The following SLC6A13 variants were observed in gnomAD, a reference collection of about 807,000 sequenced individuals.
SLC6A13 encodes sodium- and chloride-dependent GABA transporter 2.
In SLC6A13, 69 loss-of-function variants were observed where a neutral mutation model predicts 72.9. The observed-to-expected ratio is 0.95, with a 90% CI of 0.78 to 1.16. The LOEUF is 1.16. Among genes scored for constraint, SLC6A13 ranks in the 50% most tolerant of loss-of-function variants. The pLI is 0.00. For missense variants in SLC6A13, 735 were observed against 760.5 expected, an observed-to-expected ratio of 0.97 and a Z score of 0.39; for synonymous variants, 303 against 303.0, an observed-to-expected ratio of 1.00 and a Z score of 0.00.
intron 2 of SLC6A13, among the ~76,000 whole-genome samples, chr12:246,781 G>A (rs534288353): frequency 6.6e-6 from 1 of 152,274 alleles, no homozygotes; most frequent in Admixed American, 6.5e-5. Context: ...GCCGAGGCAG[G>A]TGGATCACCT....
intron 2 of SLC6A13, chr12:259,417 G>T (rs1165474447): frequency 9.3e-7 from 1 of 1,077,120 alleles, no homozygotes; most frequent in Non-Finnish European, 1.1e-6. Flanking sequence ...GGTTATCAAC[G>T]TCATCATCAG....
Position 254,208 on chromosome 12 carries a change from G to A in SLC6A13, c.202+5643C>T, listed in dbSNP as rs563914501. On this transcript the variant is annotated intron_variant, in intron 2 of 14. Transcript: ENST00000343164. The surrounding 1 kb of genome is among the most constrained non-coding windows in gnomAD (Gnocchi z 4.4). ...TCTTCAGCCGCCTCGCCAGCTCAGG[G>A]CCCCACCCCCGAGGAGTCTGGCCAC... 5.9e-5 allele frequency among the ~76,000 whole-genome samples: 9 copies of A among 152,286 alleles called. No homozygotes were observed. In the South Asian group the frequency reaches 1.9e-3, roughly 32 times the overall value.
chr12:245,341 GC>G (rs1258602027), intron 2 of SLC6A13, among the ~76,000 whole-genome samples: 1 of 152,138 alleles, frequency 6.6e-6, no homozygotes, highest in Non-Finnish European at 1.5e-5. Flanking sequence ...TATAAAAAGA[GC>G]AAGTAACTTC....
At chr12:232,013 G>C (rs1398981504) in intron 7 of SLC6A13, among the ~76,000 whole-genome samples, 1 of 152,228 alleles carries the variant, frequency 6.6e-6, no homozygotes, top group African/African-American at 2.4e-5. Context: ...CATGCATTAA[G>C]CTCTCTAGGC....
rs367619076 is a variant in SLC6A13 at position 244,914 on chromosome 12, A to G, written c.203-1101T>C. Among the ~76,000 whole-genome samples the G allele has an allele frequency of 7.9e-5, 12 of 152,328 alleles. No homozygotes were observed. The East Asian group carries it at 2.1e-3, about 27-fold the overall frequency. ...GCAACACAAAATGAACTAAGCTAGT[A>G]ATCTGTCTCCTTCTGTTTTTATAAG... On this transcript the variant is annotated intron_variant, in intron 2 of 14. Transcript: ENST00000343164.
chr12:224,697 A>G (rs1941366270), intron 9 of SLC6A13, among the ~76,000 whole-genome samples, 184 bp from the exon 10 acceptor site: 1 of 152,112 alleles, frequency 6.6e-6, no homozygotes, highest in Non-Finnish European at 1.5e-5. Flanking sequence ...TGGTTCTTGC[A>G]TTTCCAAGGT....
chr12:246,141 A>AAATAAAG (rs1942341495), intron 2 of SLC6A13, among the ~76,000 whole-genome samples: 2 of 96,564 alleles, frequency 2.1e-5, no homozygotes, highest in African/African-American at 7.1e-5. Context: ...AAAAATAAAT[A>AAATAAAG]AATAAATAAA....
chr12:230,709 T>G (rs1230941798), intron 7 of SLC6A13, among the ~76,000 whole-genome samples: 1 of 152,192 alleles, frequency 6.6e-6, no homozygotes, highest in Non-Finnish European at 1.5e-5. Flanking sequence ...CTCCCCCACA[T>G]GCTGGTTTTG....
chr12:241,705 T>C (rs1942174028), intron 4 of SLC6A13, among the ~76,000 whole-genome samples: 1 of 152,266 alleles, frequency 6.6e-6, no homozygotes, highest in Non-Finnish European at 1.5e-5. Flanking sequence ...AACATTTTCA[T>C]CATTACAGAC....
chr12:240,106 C>A (rs1231419059), intron 4 of SLC6A13, among the ~76,000 whole-genome samples: 1 of 152,036 alleles, frequency 6.6e-6, no homozygotes, highest in Non-Finnish European at 1.5e-5. Context: ...TCTTTACTGT[C>A]TGACAGGCTG....
chr12:246,443 G>C (rs1207868922), intron 2 of SLC6A13, among the ~76,000 whole-genome samples: 1 of 152,220 alleles, frequency 6.6e-6, no homozygotes, highest in Middle Eastern at 3.2e-3. Flanking sequence ...ATAGCAAGGA[G>C]ATTGAACCTG....
At position 237,427 on chromosome 12, in the gene SLC6A13, C is replaced by G. The variant is rs1941975506; in HGVS notation, c.564-137G>C. The stretch of plus-strand genomic sequence containing the variant: ...CTCTGCTCTCTTCACATGAGGCCAT[C>G]CTTAGCCCAGAGCTGGAGGTGGACA... On this transcript the variant is annotated intron_variant, in intron 5 of 14. Coordinates refer to ENST00000343164, the MANE Select transcript of SLC6A13 (RefSeq NM_016615.5). 5.4e-6 allele frequency: 5 copies of G among 919,622 alleles called. No individual in the cohort carries two copies. The South Asian group carries it at 6.6e-5, about 12-fold the overall frequency. 57.0% of individuals were successfully genotyped at this position (919,622 alleles called of 1,614,324 possible). A position where few individuals can be genotyped will look rare whatever the true frequency, so the allele number is the denominator to read the frequency against.
chr12:223,916 T>C lies in SLC6A13; in HGVS notation c.1311+76A>G, dbSNP rs1941325448. On this transcript the variant is annotated intron_variant, in intron 11 of 14. Transcript: ENST00000343164. ...GACCTGCCCTGACCGGGAGCCAGGG[T>C]ATCTGCCTCACTGACAGGTAGCAGC... The C allele has an allele frequency of 3.9e-6, 6 of 1,536,544 alleles. No homozygotes were observed. The South Asian group carries it at 6.8e-5, about 17-fold the overall frequency.
intron 7 of SLC6A13, among the ~76,000 whole-genome samples, 161 bp downstream of exon 7, chr12:234,929 G>A (rs554107374): frequency 1.3e-5 from 2 of 152,314 alleles, no homozygotes; most frequent in Admixed American, 6.5e-5. Context: ...CCCCTTTCCG[G>A]CAACAAACAG....
intron 2 of SLC6A13, among the ~76,000 whole-genome samples, chr12:247,493 C>A (rs1942395813): frequency 6.6e-6 from 1 of 152,114 alleles, no homozygotes; most frequent in South Asian, 2.1e-4. Context: ...CTATACCCAG[C>A]AATAATACTG....
intron 1 of SLC6A13, among the ~76,000 whole-genome samples, chr12:261,759 C>T (rs1942933274): frequency 1.3e-5 from 2 of 152,058 alleles, no homozygotes; most frequent in Admixed American, 1.3e-4. Flanking sequence ...CACCCCGTCT[C>T]TACGAAAAGT....
chr12:251,166 A>C (rs145935681), intron 2 of SLC6A13, among the ~76,000 whole-genome samples: 26 of 133,818 alleles, frequency 1.9e-4, no homozygotes, highest in East Asian at 6.1e-4. Flanking sequence ...AAAAAAAAAC[A>C]AAAAAAAAAA....
chr12:246,067 G>A (rs554720976), intron 2 of SLC6A13, among the ~76,000 whole-genome samples: 2 of 151,944 alleles, frequency 1.3e-5, no homozygotes, highest in East Asian at 1.9e-4. Context: ...GCAGTGAGCC[G>A]AGATTGTGCC....
intron 5 of SLC6A13, 71 bp from the exon 6 acceptor site, chr12:237,361 A>G: frequency 6.5e-7 from 1 of 1,546,132 alleles, no homozygotes; most frequent in East Asian, 2.2e-5. Flanking sequence ...GTCCTGGGAC[A>G]GTGGAGCTGA....
Sources: allele counts gnomAD v4.1 joint callset (sites outside exome capture counted in the v4.1 genomes callset), GRCh38; gene constraint gnomAD v4.1.1; non-coding constraint Gnocchi (gnomAD v3.1); transcripts MANE v1.5; gene names NCBI Gene and HGNC (gene_info 2026-07-23, HGNC 2026-07-21).